The following TMEM181 variants were observed in gnomAD, a reference collection of about 807,000 sequenced individuals.
TMEM181 encodes the protein G protein-coupled receptor 178.
Under a neutral mutation model 71.9 loss-of-function variants are expected in TMEM181, and 39 were observed. The ratio of observed to expected loss-of-function variants is 0.54; its 90% CI spans 0.42 to 0.71. The LOEUF (loss-of-function observed/expected upper bound fraction) is 0.71. Ranked by LOEUF, TMEM181 falls within the 30% of genes least tolerant of loss-of-function variation. TMEM181 has a pLI of 0.00. For synonymous variants in TMEM181, 245 were observed against 228.8 expected, an observed-to-expected ratio of 1.07 and a Z score of -0.64; for missense variants, 595 against 583.0, an observed-to-expected ratio of 1.02 and a Z score of -0.21.
chr6:158,542,164 C>G (rs747025859), intron 1 of TMEM181, among the ~76,000 whole-genome samples: 1 of 152,016 alleles, frequency 6.6e-6, no homozygotes, highest in Non-Finnish European at 1.5e-5. Flanking sequence ...ACCTTGGCCT[C>G]CCAAATTGCA....
At chr6:158,560,901 G>A (rs1298100639) in intron 1 of TMEM181, among the ~76,000 whole-genome samples, 2 of 152,052 alleles carry the variant, frequency 1.3e-5, no homozygotes, top group East Asian at 1.9e-4. Flanking sequence ...CATCCCTAAA[G>A]CTTGCTTTTG....
chr6:158,594,258 G>T (rs1033521446), intron 6 of TMEM181, among the ~76,000 whole-genome samples: 2 of 151,520 alleles, frequency 1.3e-5, no homozygotes, highest in South Asian at 2.1e-4. Flanking sequence ...ACCACTATGC[G>T]TGGCTAATTT....
rs141305375 is a variant in TMEM181 at position 158,624,408 on chromosome 6, C to T, written c.955-696C>T. ...CTTGACTGTAAGAGGGGAGCTCTGG[C>T]GCTGAGAGGACAGGAAAGGGGTGGG... On this transcript the variant is annotated intron_variant, in intron 11 of 16. Transcript: ENST00000684151. Among the ~76,000 whole-genome samples the T allele has an allele frequency of 1.1e-3, 169 of 152,294 alleles. 1 individual carries two copies. The highest frequency in any genetic ancestry group is 2.4e-3 in the Admixed American group (36 of 15,302).
At position 158,610,758 on chromosome 6, in the gene TMEM181, A is replaced by C. The variant is rs999448808; in HGVS notation, c.896+2008A>C. ...CTCAGGCACTCGGGCTGCTCCTCCCAGCCTGTGCTGCGTCATTGCTGCTGC... is the reference window on the plus strand; with the variant it reads ...CTCAGGCACTCGGGCTGCTCCTCCCCGCCTGTGCTGCGTCATTGCTGCTGC... On this transcript the variant is annotated intron_variant, in intron 10 of 16. Coordinates refer to ENST00000684151, the MANE Select transcript of TMEM181 (RefSeq NM_001376852.1). The C allele has an allele frequency of 5.9e-5, 18 of 306,200 alleles. No individual in the cohort carries two copies. The Admixed American group carries it at 6.7e-4, about 11-fold the overall frequency. 19.0% of individuals were successfully genotyped at this position (306,200 alleles called of 1,614,324 possible). A position where few individuals can be genotyped will look rare whatever the true frequency, so the allele number is the denominator to read the frequency against.
chr6:158,602,926 C>T (rs754193479), intron 6 of TMEM181, among the ~76,000 whole-genome samples: 2 of 152,128 alleles, frequency 1.3e-5, no homozygotes, highest in Non-Finnish European at 2.9e-5. Flanking sequence ...TTCCGGCTTG[C>T]ATTTTTCTGA....
chr6:158,628,126 A>C, intron 13 of TMEM181: 1 of 584,792 alleles, frequency 1.7e-6, no homozygotes, highest in Non-Finnish European at 3.2e-6. Context: ...GGCCCCGAGT[A>C]GGGAGAGTGT....
At chr6:158,543,922 G>A (rs1562611727) in intron 1 of TMEM181, among the ~76,000 whole-genome samples, 2 of 152,152 alleles carry the variant, frequency 1.3e-5, no homozygotes, top group Non-Finnish European at 2.9e-5. Context: ...TTTTCTAAGC[G>A]TAGCAGCCGA....
chr6:158,540,151 A>G (rs1016760361), intron 1 of TMEM181, among the ~76,000 whole-genome samples: 1 of 152,192 alleles, frequency 6.6e-6, no homozygotes, highest in Admixed American at 6.5e-5. Context: ...CTGGCTTTCT[A>G]TGGCTGTCTC....
intron 1 of TMEM181, among the ~76,000 whole-genome samples, chr6:158,547,766 G>A (rs147305091): frequency 0.021 from 3,259 of 151,776 alleles, 49 homozygotes; most frequent in Non-Finnish European, 0.034. Context: ...CCCTGCCCCC[G>A]GGCCACTGGT....
At chr6:158,554,095 T>C (rs547794168) in intron 1 of TMEM181, among the ~76,000 whole-genome samples, 2 of 149,990 alleles carry the variant, frequency 1.3e-5, no homozygotes, top group South Asian at 4.2e-4. Context: ...TATTTTATTT[T>C]ATTTTTTGAG....
At chr6:158,617,176 A>G (rs181093789) in intron 10 of TMEM181, among the ~76,000 whole-genome samples, 140 of 152,316 alleles carry the variant, frequency 9.2e-4, no homozygotes, top group Non-Finnish European at 1.5e-3. Context: ...TTATTGGTCT[A>G]TTAAGAGATT....
chr6:158,560,731 G>A (rs1782117267), intron 1 of TMEM181, among the ~76,000 whole-genome samples: 1 of 152,226 alleles, frequency 6.6e-6, no homozygotes, highest in Non-Finnish European at 1.5e-5. Flanking sequence ...CGTGGGCACC[G>A]GGGAGCCTGC....
chr6:158,570,325 C>T (rs1038681641), intron 1 of TMEM181, among the ~76,000 whole-genome samples: 17 of 151,246 alleles, frequency 1.1e-4, no homozygotes, highest in Admixed American at 6.6e-4. Context: ...CTCTGCCTCC[C>T]GGGTTCACAC....
chr6:158,552,948 C>T (rs1428006613), intron 1 of TMEM181, among the ~76,000 whole-genome samples: 10 of 152,190 alleles, frequency 6.6e-5, no homozygotes, highest in South Asian at 2.1e-4. Context: ...CCAGCACTTT[C>T]GGAGGCTGAT....
intron 1 of TMEM181, among the ~76,000 whole-genome samples, chr6:158,537,582 C>G (rs887636569): frequency 6.6e-6 from 1 of 152,194 alleles, no homozygotes; most frequent in Non-Finnish European, 1.5e-5. Flanking sequence ...AAAGTCTGTT[C>G]ACCGCCAATG....
chr6:158,605,150 G>A lies in TMEM181; in HGVS notation c.493-117G>A, dbSNP rs1365555579. On this transcript the variant is annotated intron_variant, in intron 6 of 16. Transcript: ENST00000684151. ...AAAAAAAGTGTGTGTGTGTGTGTGT[G>A]TGTGTGTGTATGTGTATATATTGTC... 82 of 540,370 alleles carry A rather than the reference G, an allele frequency of 1.5e-4. 1 individual carries two copies. The highest frequency in any genetic ancestry group is 3.0e-4 in the Admixed American group (10 of 33,420). 33.5% of individuals were successfully genotyped at this position (540,370 alleles called of 1,614,324 possible). A position where few individuals can be genotyped will look rare whatever the true frequency, so the allele number is the denominator to read the frequency against.
At chr6:158,582,737 A>G (rs993186717) in intron 3 of TMEM181, among the ~76,000 whole-genome samples, 21 of 152,118 alleles carry the variant, frequency 1.4e-4, no homozygotes, top group Admixed American at 7.2e-4. Context: ...TTTCTTTGGA[A>G]CCATGGGTGG....
At chr6:158,592,326 G>T (rs751197843) in intron 6 of TMEM181, among the ~76,000 whole-genome samples, 2 of 152,192 alleles carry the variant, frequency 1.3e-5, no homozygotes, top group Non-Finnish European at 2.9e-5. Context: ...GTTCAAGAAT[G>T]AATGTCTTTT....
At chr6:158,549,141 A>G (rs1781638657) in intron 1 of TMEM181, among the ~76,000 whole-genome samples, 1 of 109,712 alleles carries the variant, frequency 9.1e-6, no homozygotes, top group African/African-American at 3.6e-5. Flanking sequence ...TTTTTGAGAC[A>G]GGGTCTCTCT....
Sources: gnomAD v4.1 joint callset for allele counts (sites outside exome capture counted in the v4.1 genomes callset) on GRCh38, gnomAD v4.1.1 for gene constraint, MANE v1.5 for transcripts, NCBI Gene and HGNC (gene_info 2026-07-23, HGNC 2026-07-21) for gene names.